CACNB2: variants seen among roughly 807,000 people sequenced by gnomAD.
The protein encoded by CACNB2 is voltage-dependent L-type calcium channel subunit beta-2.
A neutral mutation model predicts 73.3 loss-of-function variants in CACNB2; 42 were observed. The ratio of observed to expected loss-of-function variants is 0.57; its 90% confidence interval spans 0.45 to 0.74. CACNB2 has a LOEUF of 0.74. Among genes scored for constraint, CACNB2 ranks in the 30% least tolerant of loss-of-function variants. The probability of loss-of-function intolerance (pLI) is 0.00; values close to 1 mark genes in which losing one functional copy is unlikely to be tolerated. For missense variants in CACNB2, 940 were observed against 853.0 expected (o/e 1.10, Z -1.27); for synonymous variants, 348 against 310.3 (o/e 1.12, Z -1.28).
intron 3 of CACNB2, among the ~76,000 whole-genome samples, chr10:18,455,074 G>A (rs2047211148): frequency 6.7e-6 from 1 of 149,396 alleles, no homozygotes; most frequent in South Asian, 2.1e-4. Context: ...CGTACTCATT[G>A]ACGTGAAAAG....
At chr10:18,509,835 C>G (rs899896834) in intron 6 of CACNB2, among the ~76,000 whole-genome samples, 4 of 152,036 alleles carry the variant, frequency 2.6e-5, no homozygotes, top group African/African-American at 9.7e-5. Flanking sequence ...TCCCAAGGCT[C>G]TCTATCACTA....
intron 3 of CACNB2, among the ~76,000 whole-genome samples, chr10:18,495,075 C>T (rs1461373194): frequency 6.6e-6 from 1 of 152,118 alleles, no homozygotes; most frequent in Non-Finnish European, 1.5e-5. Context: ...ACACATGCTA[C>T]CTCTGGGACT....
intron 1 of CACNB2, among the ~76,000 whole-genome samples, chr10:18,146,920 G>A (rs2031049523): frequency 6.6e-6 from 1 of 152,144 alleles, no homozygotes; most frequent in Non-Finnish European, 1.5e-5. Context: ...ACCGTGCCCG[G>A]CCTAATTTTA....
intron 3 of CACNB2, among the ~76,000 whole-genome samples, chr10:18,417,360 CTTTTTTTTTTTTTTT>C (rs34847923): frequency 1.4e-4 from 12 of 87,016 alleles, no homozygotes; most frequent in Non-Finnish European, 2.0e-4. Flanking sequence ...GCTAAAAATT[CTTTTTTTTTTTTTTT>C]TTTTTTTTTT....
At chr10:18,431,883 G>A (rs1430045323) in intron 3 of CACNB2, among the ~76,000 whole-genome samples, 3 of 152,066 alleles carry the variant, frequency 2.0e-5, no homozygotes, top group Admixed American at 1.3e-4. Context: ...TTCTGACTCA[G>A]CCTCCTGAGT....
chr10:18,177,213 C>G (rs2033645233), intron 2 of CACNB2, among the ~76,000 whole-genome samples: 1 of 152,088 alleles, frequency 6.6e-6, no homozygotes, highest in East Asian at 1.9e-4. Context: ...CTCAATCCAT[C>G]AGAAGTGTAT....
Position 18,522,653 on chromosome 10 carries a change from G to T in CACNB2, c.944+3685G>T, listed in dbSNP as rs1318639725. Among the ~76,000 whole-genome samples, 9 of 152,182 alleles carry T rather than the reference G, an allele frequency of 5.9e-5. No homozygotes were observed. In the South Asian group the frequency reaches 1.9e-3, roughly 32 times the overall value. ...CCAGCACTTTGGGAGGCCGAGGCGG[G>T]TGGATAATGAGGTCAAGTGTTCGAG... On this transcript the variant is annotated intron_variant, in intron 9 of 13. Coordinates refer to ENST00000324631, the MANE Select transcript of CACNB2 (RefSeq NM_201596.3).
At chr10:18,498,087 G>A (rs1018963064) in intron 3 of CACNB2, among the ~76,000 whole-genome samples, 2 of 152,128 alleles carry the variant, frequency 1.3e-5, no homozygotes, top group Admixed American at 6.5e-5. Flanking sequence ...ACATATTTCC[G>A]TGGCTCTTCT....
At chr10:18,146,131 A>G (rs1205273906) in intron 1 of CACNB2, among the ~76,000 whole-genome samples, 1 of 152,110 alleles carries the variant, frequency 6.6e-6, no homozygotes, top group Non-Finnish European at 1.5e-5. Context: ...CTTGCCTAGT[A>G]AAGGATCTTA....
chr10:18,501,056 GGTAATATGGTTTATTGATA>G (rs2050167809), intron 5 of CACNB2, 108 bp downstream of exon 5: 2 of 1,111,098 alleles, frequency 1.8e-6, no homozygotes, highest in African/African-American at 3.1e-5. Context: ...CAAGGAGGCT[GGTAATATGGTTTATTGATA>G]GCATCACAAA....
chr10:18,534,682 A>G (rs1339470277), intron 11 of CACNB2, among the ~76,000 whole-genome samples: 1 of 152,232 alleles, frequency 6.6e-6, no homozygotes, highest in Non-Finnish European at 1.5e-5. Context: ...GTCCTTATAA[A>G]GTAGTAAAGT....
intron 11 of CACNB2, 150 bp from the exon 12 acceptor site, chr10:18,535,951 T>G: frequency 1.7e-6 from 1 of 604,050 alleles, no homozygotes; most frequent in Non-Finnish European, 2.9e-6. Context: ...TATGTTAACA[T>G]GTTAATTTTG....
intron 2 of CACNB2, among the ~76,000 whole-genome samples, chr10:18,270,384 C>A (rs61844249): frequency 0.25 from 37,885 of 151,948 alleles, 5,340 homozygotes; most frequent in East Asian, 0.59. Context: ...CTATCAGCAG[C>A]CTCCTAACTG....
intron 2 of CACNB2, among the ~76,000 whole-genome samples, chr10:18,175,151 T>C (rs2033504557): frequency 6.6e-6 from 1 of 152,160 alleles, no homozygotes; most frequent in Admixed American, 6.5e-5. Context: ...TCCAGGTTTC[T>C]TAATGTTAGA....
chr10:18,441,005 C>G (rs1303888473), intron 3 of CACNB2, among the ~76,000 whole-genome samples: 1 of 152,178 alleles, frequency 6.6e-6, no homozygotes, highest in African/African-American at 2.4e-5. Flanking sequence ...ACACTGATTG[C>G]TTTGTGGGGA....
At chr10:18,286,381 G>T (rs545627389) in intron 2 of CACNB2, among the ~76,000 whole-genome samples, 2 of 151,772 alleles carry the variant, frequency 1.3e-5, no homozygotes, top group Admixed American at 6.6e-5. Flanking sequence ...AGCCAGGCGC[G>T]GTGGCGGGCG....
intron 2 of CACNB2, among the ~76,000 whole-genome samples, chr10:18,241,982 A>G (rs1012140027): frequency 1.3e-5 from 2 of 152,086 alleles, no homozygotes; most frequent in Non-Finnish European, 2.9e-5. Context: ...TTACGTATAT[A>G]GTCAACCACC....
intron 2 of CACNB2, among the ~76,000 whole-genome samples, chr10:18,250,434 C>T (rs1391166452): frequency 6.6e-6 from 1 of 152,190 alleles, no homozygotes; most frequent in Non-Finnish European, 1.5e-5. Context: ...TTTCTTCTGC[C>T]ATGTTGTCTG....
intron 2 of CACNB2, among the ~76,000 whole-genome samples, chr10:18,253,565 C>T (rs905077966): frequency 3.9e-5 from 6 of 152,012 alleles, no homozygotes; most frequent in Non-Finnish European, 8.8e-5. Flanking sequence ...CTTTTGCCAC[C>T]AAAAAGCTAC....
Sources: gnomAD v4.1 joint callset for allele counts (sites outside exome capture counted in the v4.1 genomes callset) on GRCh38, gnomAD v4.1.1 for gene constraint, MANE v1.5 for transcripts, NCBI Gene and HGNC (gene_info 2026-07-23, HGNC 2026-07-21) for gene names.